Variants in MYO9A observed in about 807,000 individuals in gnomAD.
MYO9A encodes the protein unconventional myosin-IXa.
In MYO9A, 103 loss-of-function variants were observed where a neutral mutation model predicts 293.3. The observed-to-expected ratio is 0.35, with a 90% CI of 0.30 to 0.41. The LOEUF (loss-of-function observed/expected upper bound fraction) is 0.41, where lower values mean the gene tolerates loss of function less well. MYO9A is among the 10% of genes least tolerant of loss of function. The pLI is 1.00. For missense variants in MYO9A, 2,685 were observed against 3,033.0 expected (o/e 0.89, Z 2.69); for synonymous variants, 1,001 against 1,035.7 (o/e 0.97, Z 0.64).
Position 71,899,682 on chromosome 15 carries a change from A to G in MYO9A, c.3470+5T>C. ...AAAAGCAATTATTATAGTAATAGAG[A>G]TTACCTTTGTCTTGCTCTGAATCCT... On this transcript the variant is annotated splice_donor_5th_base_variant and intron_variant, in intron 24 of 41. Transcript: ENST00000356056. 6.2e-7 allele frequency: 1 copy of G among 1,604,264 alleles called. No individual in the cohort carries two copies. The highest frequency in any genetic ancestry group is 2.2e-5 in the East Asian group (1 of 44,754).
chr15:72,018,897 A>G (rs976935224), intron 6 of MYO9A, 142 bp downstream of exon 6: 4 of 671,958 alleles, frequency 6.0e-6, no homozygotes, highest in Non-Finnish European at 7.8e-6. Flanking sequence ...ATCATTCAAA[A>G]GAAATGAAAC....
At chr15:72,044,474 T>C (rs1032780523) in intron 2 of MYO9A, among the ~76,000 whole-genome samples, 17 of 151,950 alleles carry the variant, frequency 1.1e-4, no homozygotes, top group African/African-American at 3.4e-4. Context: ...TGAAGTACAA[T>C]AGATCCCTTG....
chr15:71,951,911 A>C lies in MYO9A; in HGVS notation c.2183-15T>G, dbSNP rs2059060843. ...ATCATCATGTCCTTAGGAAGCAAAA[A>C]AAAACAAACAAAAAAAAAAGGAGAA... is the stretch of plus-strand genomic sequence containing the variant. On this transcript the variant is annotated splice_polypyrimidine_tract_variant and intron_variant, in intron 14 of 41. Coordinates refer to ENST00000356056, the MANE Select transcript of MYO9A (RefSeq NM_006901.4). 1 of 1,567,564 alleles carries C rather than the reference A, an allele frequency of 6.4e-7. No homozygotes were observed. Among genetic ancestry groups the C allele is most frequent in the Non-Finnish European group, 8.6e-7 (1 of 1,166,412 alleles).
chr15:72,081,276 C>T (rs1026145565), intron 1 of MYO9A, among the ~76,000 whole-genome samples: 1 of 152,142 alleles, frequency 6.6e-6, no homozygotes, highest in Non-Finnish European at 1.5e-5. Flanking sequence ...TGCGAGGTGG[C>T]ATCTCATTGT....
At chr15:72,019,843 G>C (rs990558584) in intron 5 of MYO9A, among the ~76,000 whole-genome samples, 5 of 152,072 alleles carry the variant, frequency 3.3e-5, no homozygotes, top group African/African-American at 1.2e-4. Flanking sequence ...TCTGCCTCCC[G>C]GGTTGAAGCG....
intron 4 of MYO9A, among the ~76,000 whole-genome samples, chr15:72,024,930 G>C (rs968671595): frequency 6.6e-6 from 1 of 151,964 alleles, no homozygotes; most frequent in Non-Finnish European, 1.5e-5. Flanking sequence ...AAAAAAAATC[G>C]TAACACATAT....
intron 9 of MYO9A, among the ~76,000 whole-genome samples, chr15:71,997,358 T>C (rs1485303453): frequency 6.6e-6 from 1 of 152,100 alleles, no homozygotes; most frequent in Non-Finnish European, 1.5e-5. Context: ...TCCCAAAACT[T>C]TGGAAGGCCA....
At chr15:71,851,501 C>T (rs1013122218) in intron 36 of MYO9A, 143 bp from the exon 37 acceptor site, 9 of 542,676 alleles carry the variant, frequency 1.7e-5, no homozygotes, top group African/African-American at 1.3e-4. Context: ...GAGCAACTCA[C>T]AGTAACTATT....
At chr15:71,874,263 G>C (rs1391238987) in intron 32 of MYO9A, among the ~76,000 whole-genome samples, 1 of 152,218 alleles carries the variant, frequency 6.6e-6, no homozygotes, top group African/African-American at 2.4e-5. Flanking sequence ...TATTAGTAAG[G>C]TAGATGATAA....
At chr15:72,035,832 T>G (rs2078030151) in intron 2 of MYO9A, among the ~76,000 whole-genome samples, 1 of 151,942 alleles carries the variant, frequency 6.6e-6, no homozygotes, top group Non-Finnish European at 1.5e-5. Flanking sequence ...TTACATACTA[T>G]AGGACTCTAT....
chr15:71,938,760 T>A, intron 16 of MYO9A, 92 bp downstream of exon 16: 3 of 1,093,788 alleles, frequency 2.7e-6, no homozygotes, highest in Non-Finnish European at 3.9e-6. Context: ...CAAGCCTGAA[T>A]TACTTCAAAC....
intron 4 of MYO9A, among the ~76,000 whole-genome samples, chr15:72,027,136 C>A (rs1173118571): frequency 6.6e-6 from 1 of 152,114 alleles, no homozygotes; most frequent in Non-Finnish European, 1.5e-5. Flanking sequence ...ATTTCATTAT[C>A]ATTAAAATGT....
At position 72,082,256 on chromosome 15, in the gene MYO9A, GT is replaced by G. The variant is rs1401924744; in HGVS notation, c.-72+35423del. Among the ~76,000 whole-genome samples, 16 of 152,170 alleles carry G rather than the reference GT, an allele frequency of 1.1e-4. No individual in the cohort carries two copies. In the East Asian group the frequency reaches 2.9e-3, roughly 28 times the overall value. On this transcript the variant is annotated intron_variant, in intron 1 of 41. Coordinates refer to ENST00000356056, the MANE Select transcript of MYO9A (RefSeq NM_006901.4). ...ATATCTTTCCCCTCCCTGGTTAGCT[GT>G]ATTCCTAGGTATTTTATTCCTTTTG...
At chr15:72,047,542 C>A (rs1321182981) in intron 1 of MYO9A, among the ~76,000 whole-genome samples, 7 of 152,038 alleles carry the variant, frequency 4.6e-5, no homozygotes, top group Non-Finnish European at 1.0e-4. Context: ...AAAATTTATT[C>A]CTATCTTTAC....
chr15:71,938,669 T>G (rs900728016), intron 16 of MYO9A, 183 bp downstream of exon 16: 1 of 439,292 alleles, frequency 2.3e-6, no homozygotes, highest in African/African-American at 2.0e-5. Context: ...CAGAAGCAAC[T>G]GTAGACAAAT....
At chr15:71,845,609 G>A (rs1044645943) in intron 39 of MYO9A, among the ~76,000 whole-genome samples, 2 of 152,190 alleles carry the variant, frequency 1.3e-5, no homozygotes, top group Admixed American at 6.5e-5. Flanking sequence ...TGCTGTCACC[G>A]TTACGTGAAT....
chr15:72,008,081 G>T, intron 7 of MYO9A, 129 bp from the exon 8 acceptor site: 2 of 1,133,056 alleles, frequency 1.8e-6, no homozygotes, highest in Non-Finnish European at 2.4e-6. Context: ...TAAGCAATAT[G>T]GGAATAATTA....
intron 13 of MYO9A, 47 bp from the exon 14 acceptor site, chr15:71,960,143 G>A (rs1450741544): frequency 1.3e-6 from 2 of 1,533,134 alleles, no homozygotes; most frequent in Admixed American, 3.4e-5. Flanking sequence ...AAAAAATTAT[G>A]AAAAACAAGA....
At chr15:71,917,417 C>T (rs185301180) in intron 18 of MYO9A, among the ~76,000 whole-genome samples, 2 of 152,242 alleles carry the variant, frequency 1.3e-5, no homozygotes, top group Admixed American at 6.5e-5. Context: ...TGCCTGTAGT[C>T]CCAGCTACTC....
Sources: allele counts gnomAD v4.1 joint callset (sites outside exome capture counted in the v4.1 genomes callset), GRCh38; gene constraint gnomAD v4.1.1; transcripts MANE v1.5; gene names NCBI Gene and HGNC (gene_info 2026-07-23, HGNC 2026-07-21).